Variants in ST6GALNAC3 observed in about 807,000 individuals in gnomAD.
The protein encoded by ST6GALNAC3 is ST6 N-acetylgalactosaminide alpha-2,6-sialyltransferase 3.
A neutral mutation model predicts 32.7 loss-of-function variants in ST6GALNAC3; 25 were observed. That is an observed-to-expected ratio of 0.76 (90% confidence interval 0.56 to 1.07). The LOEUF is 1.07. ST6GALNAC3 is among the 50% of genes least tolerant of loss of function. ST6GALNAC3 has a pLI of 0.00. For synonymous variants in ST6GALNAC3, 129 were observed against 133.1 expected (o/e 0.97, Z 0.21); for missense variants, 355 against 382.4 (o/e 0.93, Z 0.60).
chr1:76,153,778 A>T (rs1257975484), intron 1 of ST6GALNAC3, among the ~76,000 whole-genome samples: 1 of 152,150 alleles, frequency 6.6e-6, no homozygotes, highest in East Asian at 1.9e-4. Flanking sequence ...GGGAACAGTT[A>T]GTCATATTCT....
At chr1:76,191,667 C>T (rs926733924) in intron 1 of ST6GALNAC3, among the ~76,000 whole-genome samples, 6 of 151,862 alleles carry the variant, frequency 4.0e-5, no homozygotes, top group Non-Finnish European at 7.4e-5. Flanking sequence ...AATGTGTCAA[C>T]TAAAAAATAA....
intron 1 of ST6GALNAC3, among the ~76,000 whole-genome samples, chr1:76,278,813 A>G (rs1249386507): frequency 6.6e-6 from 1 of 152,180 alleles, no homozygotes; most frequent in Non-Finnish European, 1.5e-5. Flanking sequence ...CAAGTAATTT[A>G]CTCAAAGTCA....
chr1:76,490,150 G>A (rs542202897), intron 3 of ST6GALNAC3, among the ~76,000 whole-genome samples: 6 of 152,114 alleles, frequency 3.9e-5, no homozygotes, highest in South Asian at 2.1e-4. Flanking sequence ...AATAGCCCAC[G>A]GACCTTTCGA....
intron 1 of ST6GALNAC3, among the ~76,000 whole-genome samples, chr1:76,310,346 G>A (rs369074955): frequency 3.6e-4 from 55 of 152,226 alleles, no homozygotes; most frequent in African/African-American, 1.3e-3. Context: ...TTCCACAGAG[G>A]AGCAAATTAA....
intron 2 of ST6GALNAC3, among the ~76,000 whole-genome samples, chr1:76,372,281 T>C (rs927348484): frequency 2.0e-5 from 3 of 152,106 alleles, no homozygotes; most frequent in African/African-American, 7.2e-5. Context: ...GTTTTTTTAA[T>C]GTAAATTTTT....
At chr1:76,108,861 AGTGTGTGTGTGTGTGTGT>A (rs10528375) in intron 1 of ST6GALNAC3, among the ~76,000 whole-genome samples, 2,696 of 149,870 alleles carry the variant, frequency 0.018, 92 homozygotes, top group African/African-American at 0.063. Context: ...CTGTAGACAT[AGTGTGTGTGTGTGTGTGT>A]GTGTGTGTGT....
At chr1:76,606,009 T>G (rs1647521377) in intron 3 of ST6GALNAC3, among the ~76,000 whole-genome samples, 1 of 150,812 alleles carries the variant, frequency 6.6e-6, no homozygotes, top group South Asian at 2.1e-4. Context: ...AAAACCACAA[T>G]GAGATACCAC....
At chr1:76,363,817 G>T (rs1368557479) in intron 2 of ST6GALNAC3, among the ~76,000 whole-genome samples, 1 of 152,140 alleles carries the variant, frequency 6.6e-6, no homozygotes, top group Admixed American at 6.5e-5. Flanking sequence ...GAAGCAGGAA[G>T]AAGAGAGAGA....
chr1:76,563,667 T>C (rs1665380816), intron 3 of ST6GALNAC3, among the ~76,000 whole-genome samples: 1 of 152,242 alleles, frequency 6.6e-6, no homozygotes, highest in South Asian at 2.1e-4. Flanking sequence ...ACATATATTG[T>C]CTTAATTTAC....
chr1:76,443,891 G>A (rs1031593018), intron 3 of ST6GALNAC3, among the ~76,000 whole-genome samples: 6 of 152,190 alleles, frequency 3.9e-5, no homozygotes, highest in African/African-American at 1.4e-4. Flanking sequence ...CACTCTCTAG[G>A]AAACTCTATA....
chr1:76,490,866 G>GT lies in ST6GALNAC3; in HGVS notation c.623+78458dup, dbSNP rs34573571. ...TTTTTTTCTTTTTTTCTTTTTTTTT[G>GT]TTTTTTTTTGAGACAGAGTTTGACT... On this transcript the variant is annotated intron_variant, in intron 3 of 4. Transcript: ENST00000328299. Among the ~76,000 whole-genome samples, 571 of 146,470 alleles carry GT rather than the reference G, an allele frequency of 3.9e-3. 17 individuals carry two copies. In the East Asian group the frequency reaches 0.078, roughly 20 times the overall value.
chr1:76,345,959 G>A (rs1183289563), intron 2 of ST6GALNAC3, among the ~76,000 whole-genome samples: 1 of 152,040 alleles, frequency 6.6e-6, no homozygotes, highest in African/African-American at 2.4e-5. Context: ...TCCTGTGGGG[G>A]ACTTCTTCCT....
chr1:76,479,723 C>A (rs1415688037), intron 3 of ST6GALNAC3, among the ~76,000 whole-genome samples: 1 of 152,142 alleles, frequency 6.6e-6, no homozygotes, highest in East Asian at 1.9e-4. Flanking sequence ...CACCTCTCAT[C>A]CCTGTTGCAT....
intron 1 of ST6GALNAC3, among the ~76,000 whole-genome samples, chr1:76,093,654 G>T (rs570824080): frequency 6.6e-6 from 1 of 152,302 alleles, no homozygotes; most frequent in African/African-American, 2.4e-5. Flanking sequence ...CCCATTTTCT[G>T]CCTGAAGACA....
intron 3 of ST6GALNAC3, chr1:76,577,200 C>A (rs1646824289): frequency 9.9e-7 from 1 of 1,010,572 alleles, no homozygotes; most frequent in African/African-American, 1.7e-5. Context: ...TAAATCTTAT[C>A]AAAGCAAAAC....
chr1:76,557,994 A>G (rs1665027782), intron 3 of ST6GALNAC3, among the ~76,000 whole-genome samples: 1 of 152,104 alleles, frequency 6.6e-6, no homozygotes, highest in African/African-American at 2.4e-5. Flanking sequence ...TGGTTCCCAA[A>G]TGACAAACTA....
At chr1:76,311,535 G>A (rs1193380720) in intron 1 of ST6GALNAC3, among the ~76,000 whole-genome samples, 1 of 152,042 alleles carries the variant, frequency 6.6e-6, no homozygotes, top group Non-Finnish European at 1.5e-5. Flanking sequence ...GTGGGGTTTG[G>A]TTTTCCGTTC....
intron 1 of ST6GALNAC3, among the ~76,000 whole-genome samples, chr1:76,259,002 GAGA>G (rs1340211330): frequency 2.6e-5 from 4 of 152,140 alleles, no homozygotes; most frequent in Non-Finnish European, 4.4e-5. Flanking sequence ...TTGCTTCTGT[GAGA>G]AGATTTATAT....
chr1:76,178,822 G>A (rs1333152024), intron 1 of ST6GALNAC3, among the ~76,000 whole-genome samples: 2 of 152,154 alleles, frequency 1.3e-5, no homozygotes, highest in South Asian at 4.1e-4. Flanking sequence ...GGTTCCCAGG[G>A]CCACAGAAAG....
Sources: gnomAD v4.1 joint callset for allele counts (sites outside exome capture counted in the v4.1 genomes callset) on GRCh38, gnomAD v4.1.1 for gene constraint, MANE v1.5 for transcripts, NCBI Gene and HGNC (gene_info 2026-07-23, HGNC 2026-07-21) for gene names.